Variants in PPP1R16B observed in about 807,000 individuals in gnomAD.
The protein encoded by PPP1R16B is protein phosphatase 1 regulatory inhibitor subunit 16B.
Under a neutral mutation model 61.7 loss-of-function variants are expected in PPP1R16B, and 14 were observed. The ratio of observed to expected loss-of-function variants is 0.23; its 90% CI spans 0.15 to 0.35. The LOEUF (loss-of-function observed/expected upper bound fraction) is 0.35, where lower values mean the gene tolerates loss of function less well. Among genes scored for constraint, PPP1R16B ranks in the 10% least tolerant of loss-of-function variants. PPP1R16B has a pLI of 1.00. For synonymous variants in PPP1R16B, 266 were observed against 305.3 expected (o/e 0.87, Z 1.34); for missense variants, 547 against 752.5 (o/e 0.73, Z 3.19).
At chr20:38,817,813 G>A (rs2084747528) in intron 1 of PPP1R16B, among the ~76,000 whole-genome samples, 1 of 152,198 alleles carries the variant, frequency 6.6e-6, no homozygotes, top group Non-Finnish European at 1.5e-5. Flanking sequence ...GGGAGGCCGA[G>A]GCGGGCGGAT....
chr20:38,820,770 C>T (rs899094888), intron 1 of PPP1R16B, among the ~76,000 whole-genome samples: 1 of 151,622 alleles, frequency 6.6e-6, no homozygotes, highest in Admixed American at 6.6e-5. Flanking sequence ...CGGTGGCTCA[C>T]GCCTGTAATC....
At chr20:38,890,325 A>T (rs912539322) in intron 3 of PPP1R16B, among the ~76,000 whole-genome samples, 3 of 152,176 alleles carry the variant, frequency 2.0e-5, no homozygotes, top group Non-Finnish European at 4.4e-5. Flanking sequence ...TAATCTGGGG[A>T]TAAAGAACAA....
At position 38,918,158 on chromosome 20, in the gene PPP1R16B, A is replaced by T; in HGVS notation, c.1196A>T (p.Asn399Ile). 6.2e-7 allele frequency: 1 copy of T among 1,613,292 alleles called. No homozygotes were observed. Residue 399 changes from asparagine (N) to isoleucine (I), a missense_variant and splice_region_variant, in exon 11 of 11, where the codon AAC becomes ATC. By Grantham distance (149) the Asn-to-Ile change is moderately radical. Transcript: ENST00000299824. This position sits in a 1 kb window ranked among gnomAD's most constrained non-coding sequence, Gnocchi z 5.3. ...TRTDQENKDPNPRLEKPVLLS... is the reference protein window; with the variant it reads ...TRTDQENKDPIPRLEKPVLLS... ...TAATGTTGTCCTTCTCACTCGCAGA[A>T]CCCCAGGCTGGAGAAGCCCGTGCTA...
In PPP1R16B at chr20:38,806,640, G is replaced by A. The variant is rs1483550168; in HGVS notation, c.-102+848G>A. 6.6e-6 allele frequency among the ~76,000 whole-genome samples: 1 copy of A among 152,174 alleles called. No individual in the cohort carries two copies. The highest frequency in any genetic ancestry group is 6.5e-5 in the Admixed American group (1 of 15,284). On this transcript the variant is annotated intron_variant, in intron 1 of 10. Coordinates refer to ENST00000299824, the MANE Select transcript of PPP1R16B (RefSeq NM_015568.4). The surrounding 1 kb of genome is among the most constrained non-coding windows in gnomAD (Gnocchi z 4.5). ...GTGCCCAGGCTGAGCTGCCCAGACC[G>A]CCCCGGGTGGAGAGCCGGGAGGCAG...
chr20:38,851,038 T>A (rs1168018294), intron 2 of PPP1R16B, among the ~76,000 whole-genome samples: 2 of 152,024 alleles, frequency 1.3e-5, no homozygotes, highest in Admixed American at 1.3e-4. Context: ...CCCGGAGACC[T>A]TTTCCAGATT....
chr20:38,862,615 T>G (rs1399666825), intron 2 of PPP1R16B, among the ~76,000 whole-genome samples: 3 of 152,126 alleles, frequency 2.0e-5, no homozygotes, highest in Non-Finnish European at 4.4e-5. Context: ...CCTGACGTAA[T>G]GGATGGGCCT....
In PPP1R16B at chr20:38,830,507, C is replaced by G. The variant is rs559821865; in HGVS notation, c.-101-5318C>G. ...TAAAAAGGAAATTTTATATCACAAC[C>G]ATAAACAAACAGTAACTGTGAAAAC... On this transcript the variant is annotated intron_variant, in intron 1 of 10. Transcript: ENST00000299824. Among the ~76,000 whole-genome samples, 6 of 152,232 alleles carry G rather than the reference C, an allele frequency of 3.9e-5. No homozygotes were observed. In the South Asian group the frequency reaches 8.3e-4, roughly 21 times the overall value.
At chr20:38,904,063 G>A (rs768587612) in intron 6 of PPP1R16B, among the ~76,000 whole-genome samples, 1 of 151,964 alleles carries the variant, frequency 6.6e-6, no homozygotes, top group Non-Finnish European at 1.5e-5. Context: ...TGATAAGTGG[G>A]CTTCTCCCAC....
chr20:38,918,225 C>G lies in PPP1R16B; in HGVS notation c.1263C>G (p.Asp421Glu). The change falls in exon 11 of 11, where the codon GAC (aspartate) becomes GAG (glutamate). Residue 421 changes from aspartate (D) to glutamate (E), a missense_variant. By Grantham distance (45) the Asp-to-Glu change is conservative. Coordinates refer to ENST00000299824, the MANE Select transcript of PPP1R16B (RefSeq NM_015568.4). The surrounding 1 kb of genome is among the most constrained non-coding windows in gnomAD (Gnocchi z 5.3). ...FPTKIPRGELDMPVENGLRAP... is the reference protein window; with the variant it reads ...FPTKIPRGELEMPVENGLRAP... The stretch of plus-strand genomic sequence containing the variant: ...CCAAGATCCCACGAGGTGAACTGGA[C>G]ATGCCTGTTGAGAATGGCCTCCGGG... 6.2e-7 allele frequency: 1 copy of G among 1,614,272 alleles called. No individual in the cohort carries two copies.
intron 1 of PPP1R16B, among the ~76,000 whole-genome samples, chr20:38,812,625 T>A (rs937001394): frequency 2.0e-5 from 3 of 152,192 alleles, no homozygotes; most frequent in African/African-American, 7.2e-5. Context: ...GAGGTGTCTC[T>A]TTTTCAATTT....
At chr20:38,842,186 G>A (rs2084912843) in intron 2 of PPP1R16B, among the ~76,000 whole-genome samples, 1 of 152,164 alleles carries the variant, frequency 6.6e-6, no homozygotes, top group Non-Finnish European at 1.5e-5. Context: ...TAACCACCAG[G>A]CAGTCCTGTA....
chr20:38,810,419 A>T lies in PPP1R16B; in HGVS notation c.-102+4627A>T, dbSNP rs147321306. Among the ~76,000 whole-genome samples, 928 of 152,304 alleles carry T rather than the reference A, an allele frequency of 6.1e-3. 14 individuals are homozygous for T. The highest frequency in any genetic ancestry group is 0.021 in the African/African-American group (890 of 41,556). ...GGTTCTCTAGTGAGGGTTGTCCAGGAAACTTCAGGATTAACTTTTGCATGG... is the reference window on the plus strand; with the variant it reads ...GGTTCTCTAGTGAGGGTTGTCCAGGTAACTTCAGGATTAACTTTTGCATGG... On this transcript the variant is annotated intron_variant, in intron 1 of 10. Coordinates refer to ENST00000299824, the MANE Select transcript of PPP1R16B (RefSeq NM_015568.4).
chr20:38,878,786 AT>A (rs2085185654), intron 2 of PPP1R16B, among the ~76,000 whole-genome samples: 1 of 152,234 alleles, frequency 6.6e-6, no homozygotes, highest in African/African-American at 2.4e-5. Flanking sequence ...GTTTATATGC[AT>A]GTATCTCCTA....
In PPP1R16B at chr20:38,849,682, C is replaced by CA. The variant is rs1491538749; in HGVS notation, c.250+13509dup. Reference sequence around the variant, plus strand: ...GATTTAAAAACAACAACAACAACAACAACAAAAAAAAAACAAAAAACTGTT... The same window carrying CA: ...GATTTAAAAACAACAACAACAACAACAAACAAAAAAAAAACAAAAAACTGTT... On this transcript the variant is annotated intron_variant, in intron 2 of 10. Transcript: ENST00000299824. 6.7e-3 allele frequency among the ~76,000 whole-genome samples: 149 copies of CA among 22,148 alleles called. 1 individual carries two copies. Among genetic ancestry groups the CA allele is most frequent in the East Asian group, 6.2e-3 (5 of 810 alleles). 14.5% of individuals were successfully genotyped at this position (22,148 alleles called of 152,430 possible).
At chr20:38,896,348 T>C (rs1440412656) in intron 4 of PPP1R16B, among the ~76,000 whole-genome samples, 2 of 150,466 alleles carry the variant, frequency 1.3e-5, no homozygotes, top group Non-Finnish European at 3.0e-5. Flanking sequence ...TCTCTGTCAC[T>C]CTTTCTCAGT....
intron 4 of PPP1R16B, 106 bp downstream of exon 4, chr20:38,895,816 T>C (rs13042445): frequency 0.18 from 103,817 of 564,484 alleles, 12,861 homozygotes; most frequent in East Asian, 0.37. Flanking sequence ...TCTCCTCCCT[T>C]CCTCCTTCCT....
chr20:38,827,252 T>C (rs1291866490), intron 1 of PPP1R16B, among the ~76,000 whole-genome samples: 1 of 152,222 alleles, frequency 6.6e-6, no homozygotes, highest in Non-Finnish European at 1.5e-5. Flanking sequence ...TTGTTGCCTT[T>C]TGTTAACACC....
At chr20:38,838,783 C>T (rs2145721840) in intron 2 of PPP1R16B, among the ~76,000 whole-genome samples, 1 of 152,324 alleles carries the variant, frequency 6.6e-6, no homozygotes, top group South Asian at 2.1e-4. Flanking sequence ...TCCTCCCAGC[C>T]CCCTGCCCAG....
At position 38,905,985 on chromosome 20, in the gene PPP1R16B, C is replaced by G. The variant is rs751586142; in HGVS notation, c.713C>G (p.Ala238Gly). The G allele has an allele frequency of 6.2e-7, 1 of 1,613,296 alleles. No individual in the cohort carries two copies. Among genetic ancestry groups the G allele is most frequent in the Non-Finnish European group, 8.5e-7 (1 of 1,179,682 alleles). Reference sequence around the variant, plus strand: ...CTCCTCCAGCTGCACATAGCTGGAGCCAATGGATACCTGCGGGCAGCTGAG... The same window carrying G: ...CTCCTCCAGCTGCACATAGCTGGAGGCAATGGATACCTGCGGGCAGCTGAG... ...QGATLLHIAG[A>G]NGYLRAAELL... The change falls in exon 7 of 11, where the codon GCC (alanine) becomes GGC (glycine). Residue 238 changes from alanine to glycine, a missense_variant. Transcript: ENST00000299824.
Sources: gnomAD v4.1 joint callset for allele counts (sites outside exome capture counted in the v4.1 genomes callset) on GRCh38, gnomAD v4.1.1 for gene constraint, Gnocchi (gnomAD v3.1) non-coding constraint, MANE v1.5 for transcripts, NCBI Gene and HGNC (gene_info 2026-07-23, HGNC 2026-07-21) for gene names.